KIZ: variants seen among roughly 807,000 people sequenced by gnomAD.
KIZ encodes centrosomal protein kizuna.
Under a neutral mutation model 79.6 loss-of-function variants are expected in KIZ, and 68 were observed. The ratio of observed to expected loss-of-function variants is 0.85; its 90% CI spans 0.70 to 1.05. KIZ has a LOEUF of 1.05. Ranked by LOEUF, KIZ falls within the 50% of genes least tolerant of loss-of-function variation. The pLI, the probability that KIZ is intolerant of heterozygous loss-of-function variation, is 0.00. For synonymous variants in KIZ, 280 were observed against 281.8 expected (o/e 0.99, Z 0.06); for missense variants, 797 against 800.4 (o/e 1.00, Z 0.05).
At chr20:21,153,655 T>C (rs1260165115) in intron 4 of KIZ, among the ~76,000 whole-genome samples, 1 of 152,076 alleles carries the variant, frequency 6.6e-6, no homozygotes, top group Non-Finnish European at 1.5e-5. Flanking sequence ...ACAACAGAAA[T>C]GTGTTTTTTG....
At chr20:21,176,112 C>T (rs1234940707) in intron 6 of KIZ, among the ~76,000 whole-genome samples, 1 of 152,130 alleles carries the variant, frequency 6.6e-6, no homozygotes, top group Non-Finnish European at 1.5e-5. Context: ...GAGTTCAAGA[C>T]CAGCCTGGCC....
chr20:21,197,873 GA>G (rs2035411652), intron 6 of KIZ: 1 of 152,120 alleles, frequency 6.6e-6, no homozygotes, highest in South Asian at 2.1e-4. Context: ...TCTGAAAGAA[GA>G]CCTTGAAGCT....
At chr20:21,216,212 A>G (rs978873077) in intron 9 of KIZ, among the ~76,000 whole-genome samples, 5 of 152,162 alleles carry the variant, frequency 3.3e-5, no homozygotes, top group African/African-American at 1.2e-4. Context: ...TTTTCTTTTT[A>G]GAATAAGAAC....
intron 6 of KIZ, among the ~76,000 whole-genome samples, chr20:21,182,794 C>G (rs2034711628): frequency 6.8e-6 from 1 of 147,054 alleles, no homozygotes; most frequent in South Asian, 2.1e-4. Context: ...GAGACTGTCC[C>G]CCCACCAAAA....
chr20:21,209,463 A>G (rs1046048541), intron 7 of KIZ, among the ~76,000 whole-genome samples: 6 of 152,182 alleles, frequency 3.9e-5, no homozygotes, highest in South Asian at 2.1e-4. Context: ...TGCCCCCACC[A>G]TACACACAGA....
At chr20:21,160,850 G>C (rs760140253) in intron 4 of KIZ, 5 of 152,204 alleles carry the variant, frequency 3.3e-5, no homozygotes, top group Non-Finnish European at 7.3e-5. Flanking sequence ...CACCCTGCGA[G>C]CACACAGCAG....
intron 7 of KIZ, among the ~76,000 whole-genome samples, chr20:21,208,159 C>T (rs896655274): frequency 2.0e-5 from 3 of 152,088 alleles, no homozygotes; most frequent in African/African-American, 4.8e-5. Context: ...AAGTGTTGAT[C>T]GACTGTCCTT....
At chr20:21,218,526 A>G (rs547723787) in intron 9 of KIZ, 1 of 152,364 alleles carries the variant, frequency 6.6e-6, no homozygotes, top group South Asian at 2.1e-4. Context: ...TCTCTGCAGT[A>G]TGCATAATGC....
intron 6 of KIZ, chr20:21,195,128 A>G (rs896233378): frequency 1.3e-5 from 2 of 152,204 alleles, no homozygotes; most frequent in Non-Finnish European, 2.9e-5. Flanking sequence ...GATCCCTATG[A>G]GTAAGGTAGT....
chr20:21,127,828 A>G (rs745577155), intron 1 of KIZ, among the ~76,000 whole-genome samples: 2 of 152,204 alleles, frequency 1.3e-5, no homozygotes, highest in Non-Finnish European at 2.9e-5. Flanking sequence ...GTTCTTTACC[A>G]GGAATGAGGG....
chr20:21,131,696 C>T (rs891097102), intron 1 of KIZ, among the ~76,000 whole-genome samples: 5 of 152,190 alleles, frequency 3.3e-5, no homozygotes, highest in East Asian at 3.9e-4. Context: ...CTGGCTAGTT[C>T]GCCATATTAG....
At chr20:21,220,037 A>G (rs763203751) in intron 9 of KIZ, among the ~76,000 whole-genome samples, 7 of 152,038 alleles carry the variant, frequency 4.6e-5, no homozygotes, top group Non-Finnish European at 7.4e-5. Context: ...TCCAGGTGGA[A>G]ATCAAAGATG....
At chr20:21,226,881 A>G (rs1222067974) in intron 9 of KIZ, among the ~76,000 whole-genome samples, 1 of 152,114 alleles carries the variant, frequency 6.6e-6, no homozygotes, top group Non-Finnish European at 1.5e-5. Flanking sequence ...AGGCTTAAGG[A>G]TGAAACACCA....
At position 21,215,705 on chromosome 20, in the gene KIZ, C is replaced by T. The variant is rs189044988; in HGVS notation, c.1678+57C>T. ...ACAAGATTTAGCATTATTATATAAGCGGAACATTTTGGGTCAGTGGTTTGT... is the reference window on the plus strand; with the variant it reads ...ACAAGATTTAGCATTATTATATAAGTGGAACATTTTGGGTCAGTGGTTTGT... On this transcript the variant is annotated intron_variant, in intron 9 of 12. Transcript: ENST00000619189. 4,336 of 1,233,048 alleles carry T rather than the reference C, an allele frequency of 3.5e-3. 12 individuals are homozygous for T. Among genetic ancestry groups the T allele is most frequent in the Non-Finnish European group, 4.5e-3 (3,898 of 856,836 alleles). 76.4% of individuals were successfully genotyped at this position (1,233,048 alleles called of 1,614,324 possible). A position where few individuals can be genotyped will look rare whatever the true frequency, so the allele number is the denominator to read the frequency against.
At chr20:21,188,447 T>A (rs1255661982) in intron 6 of KIZ, among the ~76,000 whole-genome samples, 1 of 152,220 alleles carries the variant, frequency 6.6e-6, no homozygotes, top group Non-Finnish European at 1.5e-5. Flanking sequence ...GTCTTCAATC[T>A]GAAGGCTGCC....
At chr20:21,189,569 C>A (rs1005622287) in intron 6 of KIZ, among the ~76,000 whole-genome samples, 2 of 152,102 alleles carry the variant, frequency 1.3e-5, no homozygotes, top group African/African-American at 4.8e-5. Flanking sequence ...GGAGAGGGTT[C>A]GTTCTGAAAA....
At chr20:21,199,340 A>G (rs1371301379) in intron 6 of KIZ, among the ~76,000 whole-genome samples, 2 of 152,258 alleles carry the variant, frequency 1.3e-5, no homozygotes, top group Non-Finnish European at 2.9e-5. Flanking sequence ...AAATTTTAAA[A>G]TTAATATCTG....
At chr20:21,138,276 C>A (rs2032313095) in intron 3 of KIZ, among the ~76,000 whole-genome samples, 1 of 152,064 alleles carries the variant, frequency 6.6e-6, no homozygotes, top group South Asian at 2.1e-4. Context: ...TTGAAAAAGG[C>A]AGTCCATCTG....
chr20:21,231,338 CAAAA>C (rs2036825798), intron 10 of KIZ, among the ~76,000 whole-genome samples: 1 of 152,076 alleles, frequency 6.6e-6, no homozygotes, highest in Non-Finnish European at 1.5e-5. Flanking sequence ...AACAAACAAA[CAAAA>C]AGATGAGTAA....
Sources: gnomAD v4.1 joint callset for allele counts (sites outside exome capture counted in the v4.1 genomes callset) on GRCh38, gnomAD v4.1.1 for gene constraint, MANE v1.5 for transcripts, NCBI Gene and HGNC (gene_info 2026-07-23, HGNC 2026-07-21) for gene names.